CEMIP: variants seen among roughly 807,000 people sequenced by gnomAD.
The protein encoded by CEMIP is cell migration inducing hyaluronidase 1.
In CEMIP, 105 loss-of-function variants were observed where a neutral mutation model predicts 156.9. The ratio of observed to expected loss-of-function variants is 0.67; its 90% CI spans 0.57 to 0.79. The LOEUF (loss-of-function observed/expected upper bound fraction) is 0.79. Ranked by LOEUF, CEMIP falls within the 30% of genes least tolerant of loss-of-function variation. The probability of loss-of-function intolerance (pLI) is 0.00; values close to 1 mark genes in which losing one functional copy is unlikely to be tolerated. For missense variants in CEMIP, 1,457 were observed against 1,769.4 expected (o/e 0.82, Z 3.17); for synonymous variants, 676 against 668.4 (o/e 1.01, Z -0.17).
chr15:80,948,912 G>A lies in CEMIP; in HGVS notation c.4074G>A (p.Lys1358=). The A allele has an allele frequency of 8.1e-6, 13 of 1,614,244 alleles. No homozygotes were observed. The highest frequency in any genetic ancestry group is 1.1e-5 in the Non-Finnish European group (13 of 1,180,042). The change falls in exon 30 of 30, where the codon AAG becomes AAA. Residue 1358 remains lysine, a synonymous_variant. Transcript: ENST00000394685. The part of the protein sequence containing the change: ...FQVVPIPVVK[K]KKL ...TTGTGCCCATCCCTGTGGTGAAGAAGAAGAAGTTGTGAGGACAGCTGCCGC... is the reference window on the plus strand; with the variant it reads ...TTGTGCCCATCCCTGTGGTGAAGAAAAAGAAGTTGTGAGGACAGCTGCCGC...
At chr15:80,928,544 G>A (rs1900782493) in intron 19 of CEMIP, among the ~76,000 whole-genome samples, 1 of 152,184 alleles carries the variant, frequency 6.6e-6, no homozygotes, top group Non-Finnish European at 1.5e-5. Flanking sequence ...GAGAGCGGAA[G>A]GCCCTTCAAG....
At chr15:80,855,519 T>C (rs1338896731) in intron 1 of CEMIP, among the ~76,000 whole-genome samples, 3 of 152,104 alleles carry the variant, frequency 2.0e-5, no homozygotes, top group Admixed American at 2.0e-4. Flanking sequence ...TTTTCTTTTT[T>C]TTCTTTTTTG....
At chr15:80,866,748 T>C (rs1205874148) in intron 1 of CEMIP, among the ~76,000 whole-genome samples, 3 of 149,052 alleles carry the variant, frequency 2.0e-5, no homozygotes, top group African/African-American at 7.4e-5. Flanking sequence ...ATCACACCAC[T>C]GCACTCCAGC....
In CEMIP at chr15:80,941,871, G is replaced by A. The variant is rs773573643; in HGVS notation, c.3430G>A (p.Ala1144Thr). 6.2e-6 allele frequency: 10 copies of A among 1,613,918 alleles called. No individual in the cohort carries two copies. The East Asian group carries it at 2.0e-4, about 32-fold the overall frequency. Residue 1144 changes from alanine to threonine, a missense_variant, in exon 26 of 30, where the codon GCT (alanine) becomes ACT (threonine). Ala to Thr is a moderately conservative substitution (Grantham distance 58). Transcript: ENST00000394685. Reference sequence around the variant, plus strand: ...CAGGCTGTTGTTCCTGAAGCTGAAAGCTCAGAACGAGAGAGAGAAGTTTGC... The same window carrying A: ...CAGGCTGTTGTTCCTGAAGCTGAAAACTCAGAACGAGAGAGAGAAGTTTGC... ...DSGLLFLKLK[A>T]QNEREKFAFC...
intron 12 of CEMIP, among the ~76,000 whole-genome samples, chr15:80,900,628 G>GTGTGTGTGTGTGTGTGTC: frequency 7.3e-6 from 1 of 136,806 alleles, no homozygotes; most frequent in Non-Finnish European, 1.7e-5. Flanking sequence ...GTGTGTGTGT[G>GTGTGTGTGTGTGTGTGTC]TGTGTGTGTG....
chr15:80,941,105 G>A (rs1901318745), intron 25 of CEMIP, among the ~76,000 whole-genome samples: 1 of 152,108 alleles, frequency 6.6e-6, no homozygotes, highest in African/African-American at 2.4e-5. Flanking sequence ...TGGGGGCGAG[G>A]GCATTGTGGT....
chr15:80,833,945 C>G (rs1170667634), intron 1 of CEMIP, among the ~76,000 whole-genome samples: 6 of 152,182 alleles, frequency 3.9e-5, no homozygotes, highest in African/African-American at 1.4e-4. Context: ...GCTGGGATTA[C>G]AGACGTGAGT....
Position 80,948,980 on chromosome 15 carries a change from G to A in CEMIP, c.*56G>A. ...TAGACTATGACGGTGACTCTTGGCA[G>A]CAGACCAGTGGGGGATGGCTGGGTC... On this transcript the variant is annotated 3_prime_UTR_variant, in exon 30 of 30. Transcript: ENST00000394685. The A allele has an allele frequency of 6.2e-7, 1 of 1,610,490 alleles. No homozygotes were observed. Among genetic ancestry groups the A allele is most frequent in the East Asian group, 2.2e-5 (1 of 44,822 alleles).
intron 1 of CEMIP, among the ~76,000 whole-genome samples, chr15:80,828,711 A>G (rs1446376522): frequency 6.6e-6 from 1 of 152,216 alleles, no homozygotes; most frequent in East Asian, 1.9e-4. Flanking sequence ...TTCTAAGAAA[A>G]ATAGCAGGCA....
At chr15:80,933,819 G>A (rs1274279730) in intron 23 of CEMIP, among the ~76,000 whole-genome samples, 1 of 152,042 alleles carries the variant, frequency 6.6e-6, no homozygotes, top group Non-Finnish European at 1.5e-5. Context: ...TTTTGGGGGT[G>A]GCTTCAGAAA....
At position 80,949,450 on chromosome 15, in the gene CEMIP, T is replaced by C. The variant is rs1368015365; in HGVS notation, c.*526T>C. 5.3e-6 allele frequency: 1 copy of C among 190,392 alleles called. No individual in the cohort carries two copies. The highest frequency in any genetic ancestry group is 1.1e-5 in the Non-Finnish European group (1 of 89,602). 11.8% of individuals were successfully genotyped at this position (190,392 alleles called of 1,614,324 possible). On this transcript the variant is annotated 3_prime_UTR_variant, in exon 30 of 30. Transcript: ENST00000394685. Reference sequence around the variant, plus strand: ...TTAGGAGCTGGGGTAGAACTGGCTATCCTTGGGGAAGAGGCAAGCCCTGCC... The same window carrying C: ...TTAGGAGCTGGGGTAGAACTGGCTACCCTTGGGGAAGAGGCAAGCCCTGCC...
At position 80,926,313 on chromosome 15, in the gene CEMIP, T is replaced by C. The variant is rs184474954; in HGVS notation, c.2420+558T>C. 5.3e-5 allele frequency among the ~76,000 whole-genome samples: 8 copies of C among 152,276 alleles called. No homozygotes were observed. The East Asian group carries it at 1.5e-3, about 29-fold the overall frequency. Reference sequence around the variant, plus strand: ...GCTGAGCTCTCATATGAGGTCCCTATGTGAGTGACTGGCACATGCTGGACA... The same window carrying C: ...GCTGAGCTCTCATATGAGGTCCCTACGTGAGTGACTGGCACATGCTGGACA... On this transcript the variant is annotated intron_variant, in intron 19 of 29. Transcript: ENST00000394685.
At chr15:80,851,047 G>A (rs1385078822) in intron 1 of CEMIP, among the ~76,000 whole-genome samples, 1 of 152,224 alleles carries the variant, frequency 6.6e-6, no homozygotes, top group African/African-American at 2.4e-5. Context: ...AGGATCCTGG[G>A]AAGCAACTCA....
chr15:80,918,636 C>A (rs539626935), intron 14 of CEMIP, among the ~76,000 whole-genome samples: 5 of 152,302 alleles, frequency 3.3e-5, no homozygotes, highest in Admixed American at 6.5e-5. Flanking sequence ...GAATCAGGAA[C>A]TCCCTTGGTG....
At chr15:80,788,081 C>T (rs905554685) in intron 1 of CEMIP, among the ~76,000 whole-genome samples, 1 of 152,086 alleles carries the variant, frequency 6.6e-6, no homozygotes, top group Non-Finnish European at 1.5e-5. Flanking sequence ...AGGCCCCTGT[C>T]GGTGTGCAAA....
At chr15:80,925,071 G>T (rs1409492831) in intron 18 of CEMIP, among the ~76,000 whole-genome samples, 1 of 152,202 alleles carries the variant, frequency 6.6e-6, no homozygotes, top group African/African-American at 2.4e-5. Flanking sequence ...GAACATGCAA[G>T]TCATGCCTAT....
At chr15:80,895,381 A>G (rs919754966) in intron 11 of CEMIP, among the ~76,000 whole-genome samples, 1 of 152,192 alleles carries the variant, frequency 6.6e-6, no homozygotes, top group Non-Finnish European at 1.5e-5. Flanking sequence ...CCTCCCCTGC[A>G]GAGATGTGCA....
At chr15:80,933,697 G>C (rs1301489635) in intron 23 of CEMIP, among the ~76,000 whole-genome samples, 1 of 152,166 alleles carries the variant, frequency 6.6e-6, no homozygotes, top group Non-Finnish European at 1.5e-5. Flanking sequence ...TGGGTCAACT[G>C]CTTCGATTCA....
intron 10 of CEMIP, among the ~76,000 whole-genome samples, chr15:80,890,623 A>G (rs1225707749): frequency 6.6e-6 from 1 of 151,944 alleles, no homozygotes; most frequent in Non-Finnish European, 1.5e-5. Context: ...CATTTGAGAA[A>G]GGCCATCTCC....
Sources: gnomAD v4.1 joint callset for allele counts (sites outside exome capture counted in the v4.1 genomes callset) on GRCh38, gnomAD v4.1.1 for gene constraint, MANE v1.5 for transcripts, NCBI Gene and HGNC (gene_info 2026-07-23, HGNC 2026-07-21) for gene names.